LETMD1: variants seen among roughly 807,000 people sequenced by gnomAD.
LETMD1 encodes LETM1 domain containing 1.
A neutral mutation model predicts 43.9 loss-of-function variants in LETMD1; 30 were observed. The ratio of observed to expected loss-of-function variants is 0.68; its 90% CI spans 0.51 to 0.93. The LOEUF (loss-of-function observed/expected upper bound fraction) is 0.93. Among genes scored for constraint, LETMD1 ranks in the 40% least tolerant of loss-of-function variants. The probability of loss-of-function intolerance (pLI) is 0.00; values close to 1 mark genes in which losing one functional copy is unlikely to be tolerated. For missense variants in LETMD1, 413 were observed against 447.7 expected, an observed-to-expected ratio of 0.92 and a Z score of 0.70; for synonymous variants, 176 against 163.1, an observed-to-expected ratio of 1.08 and a Z score of -0.60.
At chr12:51,063,582 C>T (rs1244886290), downstream of LETMD1, 1 of 578,012 alleles carries the variant, frequency 1.7e-6, no homozygotes, top group African/African-American at 1.9e-5. Context: ...GTACTGTTTC[C>T]CTTTTAAAAA....
At position 51,056,188 on chromosome 12, in the gene LETMD1, G is replaced by C. The variant is rs1947668378; in HGVS notation, c.705G>C (p.Leu235=). 1 of 1,614,260 alleles carries C rather than the reference G, an allele frequency of 6.2e-7. No individual in the cohort carries two copies. Among genetic ancestry groups the C allele is most frequent in the Non-Finnish European group, 8.5e-7 (1 of 1,180,050 alleles). ...CAGCAATACATGATATCTTGGCTCT[G>C]AGAGAGTGTTTCTCTAACCATCCTC... ...THPAIHDILA[L]RECFSNHPLG... is the part of the protein sequence containing the mutation. Residue 235 remains leucine, a synonymous_variant, in exon 6 of 9, where the codon CTG becomes CTC. Coordinates refer to ENST00000262055, the MANE Select transcript of LETMD1 (RefSeq NM_015416.5).
At chr12:51,055,665 TAAAAA>T (rs56285797) in intron 4 of LETMD1, 165 bp from the exon 5 acceptor site, 69 of 150,348 alleles carry the variant, frequency 4.6e-4, no homozygotes, top group East Asian at 1.1e-3. Flanking sequence ...CCCTGTCTCT[TAAAAA>T]AAAAAAAAAA....
downstream of LETMD1, chr12:51,061,090 A>G (rs544824082): frequency 7.2e-5 from 11 of 152,194 alleles, no homozygotes; most frequent in African/African-American, 2.2e-4. Context: ...AAATGTTTCT[A>G]TTGTTAACAT....
At chr12:51,054,262 G>A (rs1946994556) in intron 4 of LETMD1, among the ~76,000 whole-genome samples, 3 of 152,138 alleles carry the variant, frequency 2.0e-5, no homozygotes, top group Admixed American at 6.5e-5. Flanking sequence ...GATCTTGCAT[G>A]TCATTCATTA....
intron 7 of LETMD1, 60 bp from the exon 8 acceptor site, chr12:51,057,972 A>G (rs1404147719): frequency 1.8e-6 from 2 of 1,113,052 alleles, no homozygotes; most frequent in Non-Finnish European, 2.8e-6. Flanking sequence ...GTGGATTTCC[A>G]TTTCCTTGGC....
Position 51,049,170 on chromosome 12 carries a change from A to G in LETMD1, c.259A>G (p.Thr87Ala). The G allele has an allele frequency of 6.2e-7, 1 of 1,611,736 alleles. No individual in the cohort carries two copies. Among genetic ancestry groups the G allele is most frequent in the Admixed American group, 1.7e-5 (1 of 59,240 alleles). Residue 87 changes from threonine to alanine, a missense_variant, in exon 2 of 9, where the codon ACA (threonine) becomes GCA (alanine). By Grantham distance (58) the Thr-to-Ala change is moderately conservative (BLOSUM62 0). Coordinates refer to ENST00000262055, the MANE Select transcript of LETMD1 (RefSeq NM_015416.5). ...RHFPRFYVLYTIFMKGLQMLW... is the reference protein window; with the variant it reads ...RHFPRFYVLYAIFMKGLQMLW... ...TTTCCCCCGCTTCTATGTCCTGTAC[A>G]CAATCTTCATGAAAGGTAAAAACGA...
In LETMD1 at chr12:51,052,160, A is replaced by G. The variant is rs1946354490; in HGVS notation, c.343A>G (p.Ile115Val). ...AAAGACAAATATGTGGAAGCACAATATAAAGTTTCATCAACTTCCATACCG... is the reference window on the plus strand; with the variant it reads ...AAAGACAAATATGTGGAAGCACAATGTAAAGTTTCATCAACTTCCATACCG... ...RIKTNMWKHN[I>V]KFHQLPYREM... is the part of the protein sequence containing the mutation. The change falls in exon 3 of 9, where the codon ATA becomes GTA. Residue 115 changes from isoleucine (I) to valine (V), a missense_variant. By Grantham distance (29) the Ile-to-Val change is conservative. Transcript: ENST00000262055. The G allele has an allele frequency of 4.3e-6, 7 of 1,613,976 alleles. No individual in the cohort carries two copies. The highest frequency in any genetic ancestry group is 5.9e-6 in the Non-Finnish European group (7 of 1,179,920).
intron 8 of LETMD1, chr12:51,058,960 G>C (rs1398187772): frequency 3.8e-6 from 1 of 262,272 alleles, no homozygotes; most frequent in Non-Finnish European, 7.5e-6. Flanking sequence ...CTGAGGGTAT[G>C]TATTAGGCTT....
chr12:51,048,540 T>C, intron 1 of LETMD1, 62 bp downstream of exon 1: 1 of 1,588,926 alleles, frequency 6.3e-7, no homozygotes, highest in East Asian at 2.2e-5. Flanking sequence ...GTCTCAACCT[T>C]GCTTGCATTC....
At chr12:51,064,690 T>TG, downstream of LETMD1, 1 of 1,497,052 alleles carries the variant, frequency 6.7e-7, no homozygotes. Context: ...ACAAGAAGGT[T>TG]GGGGCAAGAT....
At chr12:51,067,456 C>T in the LETMD1 span, among the ~76,000 whole-genome samples, 1 of 152,180 alleles carries the variant, frequency 6.6e-6, no homozygotes, top group Non-Finnish European at 1.5e-5. This position sits in a 1 kb window ranked among gnomAD's most constrained non-coding sequence, Gnocchi z 4.1. Context: ...ATCCTCCTAC[C>T]TCAGCCTCCC....
At chr12:51,068,539 T>G in the LETMD1 span, among the ~76,000 whole-genome samples, 6 of 152,276 alleles carry the variant, frequency 3.9e-5, no homozygotes, top group Middle Eastern at 0.017. Context: ...AGATGGGAAA[T>G]CTTACGTACC....
chr12:51,053,735 A>G (rs1412690770), intron 3 of LETMD1, 43 bp from the exon 4 acceptor site: 6 of 1,371,200 alleles, frequency 4.4e-6, no homozygotes, highest in Non-Finnish European at 6.2e-6. Flanking sequence ...TGTATTAACA[A>G]CTTATTTGGG....
the LETMD1 span, among the ~76,000 whole-genome samples, chr12:51,066,118 G>A: frequency 2.0e-5 from 3 of 152,080 alleles, no homozygotes; most frequent in Non-Finnish European, 4.4e-5. Flanking sequence ...TCAGGCGTTT[G>A]AGACCTGCCC....
chr12:51,064,466 T>G (rs137859130), downstream of LETMD1: 30 of 1,609,590 alleles, frequency 1.9e-5, no homozygotes, highest in African/African-American at 4.0e-5. Flanking sequence ...AGCCCTGTGC[T>G]CCTGTCAGGC....
chr12:51,056,747 C>T (rs564218099), intron 7 of LETMD1: 108 of 317,650 alleles, frequency 3.4e-4, no homozygotes, highest in South Asian at 2.5e-3. Flanking sequence ...CTCTGCCTCC[C>T]GGTTCAAGTG....
rs1025258537 is a variant in LETMD1 at position 51,056,933 on chromosome 12, G to A, written c.915+431G>A. Reference sequence around the variant, plus strand: ...GCCGAGACTACAGGTGTGAGCTACCGCACCCAGCATATTTATTTATTTTTC... The same window carrying A: ...GCCGAGACTACAGGTGTGAGCTACCACACCCAGCATATTTATTTATTTTTC... On this transcript the variant is annotated intron_variant, in intron 7 of 8. Coordinates refer to ENST00000262055, the MANE Select transcript of LETMD1 (RefSeq NM_015416.5). 8 of 159,534 alleles carry A rather than the reference G, an allele frequency of 5.0e-5. No homozygotes were observed. In the East Asian group the frequency reaches 5.6e-4, roughly 11 times the overall value. The allele number at this position is 159,534 out of a possible 1,614,324, so 9.9% of individuals were successfully genotyped here.
At chr12:51,050,554 G>A (rs749748579) in intron 2 of LETMD1, among the ~76,000 whole-genome samples, 2 of 151,900 alleles carry the variant, frequency 1.3e-5, no homozygotes, top group Non-Finnish European at 2.9e-5. Context: ...ACACACAGAT[G>A]TAGAGAGAGT....
At chr12:51,063,617 C>G (rs1488733443), downstream of LETMD1, 1 of 714,282 alleles carries the variant, frequency 1.4e-6, no homozygotes, top group East Asian at 2.8e-5. Context: ...CTTTCCCACC[C>G]ATTCCCCAAA....
Sources: allele counts gnomAD v4.1 joint callset (sites outside exome capture counted in the v4.1 genomes callset), GRCh38; gene constraint gnomAD v4.1.1; non-coding constraint Gnocchi (gnomAD v3.1); transcripts MANE v1.5; gene names NCBI Gene and HGNC (gene_info 2026-07-23, HGNC 2026-07-21).